CHMP2B: variants seen among roughly 807,000 people sequenced by gnomAD.
CHMP2B encodes the protein charged multivesicular body protein 2B.
A neutral mutation model predicts 29.8 loss-of-function variants in CHMP2B; 22 were observed. The observed-to-expected ratio is 0.74, with a 90% CI of 0.53 to 1.05. The LOEUF is 1.05. Among genes scored for constraint, CHMP2B ranks in the 50% least tolerant of loss-of-function variants. CHMP2B has a pLI of 0.00. For synonymous variants in CHMP2B, 78 were observed against 75.8 expected (o/e 1.03, Z -0.15); for missense variants, 261 against 252.2 (o/e 1.03, Z -0.24).
intron 1 of CHMP2B, among the ~76,000 whole-genome samples, chr3:87,230,506 A>G (rs552166246): frequency 1.3e-5 from 2 of 152,282 alleles, no homozygotes; most frequent in Admixed American, 6.5e-5. Flanking sequence ...TATCAAGCAC[A>G]TGGAATTCTC....
At chr3:87,232,834 G>T (rs1705932418) in intron 1 of CHMP2B, among the ~76,000 whole-genome samples, 1 of 152,108 alleles carries the variant, frequency 6.6e-6, no homozygotes, top group Admixed American at 6.5e-5. Flanking sequence ...CTTTGCCGTT[G>T]AGGACCAAAC....
At chr3:87,249,444 A>G (rs1039755654) in intron 3 of CHMP2B, among the ~76,000 whole-genome samples, 3 of 152,042 alleles carry the variant, frequency 2.0e-5, no homozygotes, top group Non-Finnish European at 4.4e-5. Flanking sequence ...GTGTTAATAG[A>G]TTAAGTATAT....
intron 3 of CHMP2B, 115 bp downstream of exon 3, chr3:87,246,023 G>T: frequency 2.7e-6 from 2 of 752,904 alleles, no homozygotes; most frequent in South Asian, 3.6e-5. Context: ...CAAAATGTGT[G>T]TAATTTTTAG....
chr3:87,231,280 T>G (rs1705906226), intron 1 of CHMP2B, among the ~76,000 whole-genome samples: 1 of 152,128 alleles, frequency 6.6e-6, no homozygotes, highest in African/African-American at 2.4e-5. Flanking sequence ...TCCTTTGAGG[T>G]ATCCTCTTCC....
chr3:87,253,299 G>T, intron 4 of CHMP2B, 105 bp from the exon 5 acceptor site: 1 of 727,550 alleles, frequency 1.4e-6, no homozygotes, highest in Non-Finnish European at 2.5e-6. Context: ...CACTGAGTTT[G>T]CCTTCTGTAA....
chr3:87,227,480 C>A lies in CHMP2B; in HGVS notation c.-43C>A, dbSNP rs772653746. ...CCTCCTGTCCTTTGCCAGCGTTGGG[C>A]CGGACCGGGCCGAGCCGGGCCGCCC... On this transcript the variant is annotated 5_prime_UTR_variant, in exon 1 of 6. Coordinates refer to ENST00000263780, the MANE Select transcript of CHMP2B (RefSeq NM_014043.4). 1 of 1,613,206 alleles carries A rather than the reference C, an allele frequency of 6.2e-7. No homozygotes were observed.
intron 3 of CHMP2B, among the ~76,000 whole-genome samples, chr3:87,246,550 C>T (rs1559609416): frequency 6.6e-6 from 1 of 152,118 alleles, no homozygotes; most frequent in Non-Finnish European, 1.5e-5. Context: ...CTTCTTGTCT[C>T]ATTATATGTT....
chr3:87,254,212 C>T lies in CHMP2B; in HGVS notation c.*390C>T. On this transcript the variant is annotated 3_prime_UTR_variant, in exon 6 of 6. Transcript: ENST00000263780. ...GGTTGTAAAAATATTAAAAGTATAT[C>T]GTTAATTCTGTATCTGTTGCTTGTC... The T allele has an allele frequency of 5.0e-6, 1 of 201,052 alleles. No individual in the cohort carries two copies. Among genetic ancestry groups the T allele is most frequent in the South Asian group, 8.4e-5 (1 of 11,940 alleles). 12.5% of individuals were successfully genotyped at this position (201,052 alleles called of 1,614,324 possible).
chr3:87,249,889 TAAC>T lies in CHMP2B; in HGVS notation c.339_341del (p.Asn113del). 7 of 1,602,342 alleles carry T rather than the reference TAAC, an allele frequency of 4.4e-6. No homozygotes were observed. The highest frequency in any genetic ancestry group is 6.0e-6 in the Non-Finnish European group (7 of 1,170,920). On this transcript the variant is annotated inframe_deletion, in exon 4 of 6. Transcript: ENST00000263780. The stretch of plus-strand genomic sequence containing the variant: ...TACATTTAAAGACAATGCAGGCAGT[TAAC>T]AAGAAGATGGATCCACAAAAGACAT...
chr3:87,251,598 A>G (rs982722181), intron 4 of CHMP2B, among the ~76,000 whole-genome samples: 7 of 151,946 alleles, frequency 4.6e-5, no homozygotes, highest in Non-Finnish European at 8.8e-5. Flanking sequence ...TTTTTTAATA[A>G]CGTAGTAAAA....
Position 87,255,555 on chromosome 3 carries a change from A to T in CHMP2B, c.*1733A>T, listed in dbSNP as rs1258145021. The T allele has an allele frequency of 6.6e-6, 1 of 152,288 alleles. No individual in the cohort carries two copies. Among genetic ancestry groups the T allele is most frequent in the African/African-American group, 2.4e-5 (1 of 41,396 alleles). 9.4% of individuals were successfully genotyped at this position (152,288 alleles called of 1,614,324 possible). On this transcript the variant is annotated 3_prime_UTR_variant, in exon 6 of 6. Coordinates refer to ENST00000263780, the MANE Select transcript of CHMP2B (RefSeq NM_014043.4). ...ATTAAAAATTTTATGCATATTTGGT[A>T]ATTTTTCAAAAGAATGATCTTTATT...
intron 1 of CHMP2B, among the ~76,000 whole-genome samples, chr3:87,227,836 G>T (rs1015780072): frequency 2.6e-5 from 4 of 152,166 alleles, no homozygotes; most frequent in Non-Finnish European, 5.9e-5. Context: ...GAGGCTAGCT[G>T]GCCCTTGAGT....
chr3:87,251,088 A>G (rs1706306547), intron 4 of CHMP2B, among the ~76,000 whole-genome samples: 1 of 151,952 alleles, frequency 6.6e-6, no homozygotes, highest in South Asian at 2.1e-4. Context: ...CATTTTAGTT[A>G]ACAGCATTTA....
At chr3:87,252,732 C>G (rs184716199) in intron 4 of CHMP2B, among the ~76,000 whole-genome samples, 148 of 151,858 alleles carry the variant, frequency 9.7e-4, no homozygotes, top group South Asian at 3.1e-3. Context: ...GCACTAGATG[C>G]CCAAGATTCA....
At chr3:87,230,724 T>A (rs1705893421) in intron 1 of CHMP2B, among the ~76,000 whole-genome samples, 1 of 152,172 alleles carries the variant, frequency 6.6e-6, no homozygotes, top group Non-Finnish European at 1.5e-5. Context: ...TGATGTCTTA[T>A]CTCCACTTCT....
chr3:87,229,301 T>C (rs961165946), intron 1 of CHMP2B, among the ~76,000 whole-genome samples: 1 of 152,168 alleles, frequency 6.6e-6, no homozygotes, highest in African/African-American at 2.4e-5. Context: ...CAAGAAATAA[T>C]GTTTTTGCTG....
In CHMP2B at chr3:87,247,639, T is replaced by C. The variant is rs72924027; in HGVS notation, c.321+1731T>C. Among the ~76,000 whole-genome samples the C allele has an allele frequency of 1.9e-3, 293 of 152,272 alleles. 1 individual carries two copies. Among genetic ancestry groups the C allele is most frequent in the African/African-American group, 6.7e-3 (279 of 41,556 alleles). On this transcript the variant is annotated intron_variant, in intron 3 of 5. Transcript: ENST00000263780. ...GCATTAAAACACTGCAGGTATTCAT[T>C]TGAGGTTACAAATAAATTTTAATGA...
At chr3:87,233,917 GA>G (rs1285329328) in intron 1 of CHMP2B, among the ~76,000 whole-genome samples, 1 of 152,086 alleles carries the variant, frequency 6.6e-6, no homozygotes, top group African/African-American at 2.4e-5. Flanking sequence ...ACCTTATAGT[GA>G]AAAACACAGC....
At chr3:87,250,700 C>A (rs1287567868) in intron 4 of CHMP2B, among the ~76,000 whole-genome samples, 1 of 151,768 alleles carries the variant, frequency 6.6e-6, no homozygotes, top group Non-Finnish European at 1.5e-5. Flanking sequence ...TTTATCAAAC[C>A]ATTCTTATGT....
Sources: gnomAD v4.1 joint callset for allele counts (sites outside exome capture counted in the v4.1 genomes callset) on GRCh38, gnomAD v4.1.1 for gene constraint, MANE v1.5 for transcripts, NCBI Gene and HGNC (gene_info 2026-07-23, HGNC 2026-07-21) for gene names.